Variants in MYH6 observed in about 807,000 individuals in gnomAD.
MYH6 encodes myosin heavy chain 6.
A neutral mutation model predicts 223.2 loss-of-function variants in MYH6; 126 were observed. The ratio of observed to expected loss-of-function variants is 0.56; its 90% CI spans 0.49 to 0.65. The LOEUF is 0.65. MYH6 is among the 30% of genes least tolerant of loss of function. MYH6 has a pLI of 0.00. For missense variants in MYH6, 2,040 were observed against 2,536.4 expected, an observed-to-expected ratio of 0.80 and a Z score of 4.20; for synonymous variants, 978 against 1,010.2, an observed-to-expected ratio of 0.97 and a Z score of 0.61.
rs1891684812 is a variant in MYH6 at position 23,403,708 on chromosome 14, T to C, written c.799+7A>G. On this transcript the variant is annotated splice_region_variant and intron_variant, in intron 9 of 38. Transcript: ENST00000405093. The stretch of plus-strand genomic sequence containing the variant: ...TAGAGGGTGGCAGCCTCCCTGCTGG[T>C]ACTCACAGGTCTCTATGTCTGCAGA... The C allele has an allele frequency of 3.1e-6, 5 of 1,611,652 alleles. No homozygotes were observed. The highest frequency in any genetic ancestry group is 4.2e-6 in the Non-Finnish European group (5 of 1,178,698).
rs766345714 is a variant in MYH6, at chr14:23,385,996, G to A, written c.5095C>T (p.Arg1699Trp). Residue 1699 changes from arginine to tryptophan, a missense_variant, in exon 34 of 39, where the codon CGG becomes TGG. This residue lies in a region of MYH6 where 1,203 missense variants were observed against 1,400.2 expected (regional missense o/e 0.86). Transcript: ENST00000405093. Reference sequence around the variant, plus strand: ...TCCTGCTCCGCCAGCTTCCGGGACCGCTCTGTCTGCTCCACCACGGCACGC... The same window carrying A: ...TCCTGCTCCGCCAGCTTCCGGGACCACTCTGTCTGCTCCACCACGGCACGC... ...ELRAVVEQTE[R>W]SRKLAEQELI... 2.5e-5 allele frequency: 40 copies of A among 1,614,054 alleles called. No individual in the cohort carries two copies. Among genetic ancestry groups the A allele is most frequent in the African/African-American group, 8.0e-5 (6 of 74,928 alleles).
At chr14:23,403,636 AATG>A in intron 9 of MYH6, 76 bp downstream of exon 9, 1 of 1,378,524 alleles carries the variant, frequency 7.3e-7, no homozygotes. Flanking sequence ...AGATGGCAGG[AATG>A]ATGAGACTGG....
At chr14:23,406,911 A>T in intron 3 of MYH6, 112 bp downstream of exon 3, 1 of 1,182,112 alleles carries the variant, frequency 8.5e-7, no homozygotes, top group Non-Finnish European at 1.3e-6. Context: ...TGGCATCCCC[A>T]CTGGCCTTGG....
At position 23,402,707 on chromosome 14, in the gene MYH6, A is replaced by G. The variant is rs1891644111; in HGVS notation, c.992T>C (p.Met331Thr). 1 of 1,613,372 alleles carries G rather than the reference A, an allele frequency of 6.2e-7. No homozygotes were observed. The highest frequency in any genetic ancestry group is 8.5e-7 in the Non-Finnish European group (1 of 1,179,900). The change falls in exon 11 of 39, where the codon ATG becomes ACG. Residue 331 changes from methionine to threonine, a missense_variant. By Grantham distance (81) the Met-to-Thr change is moderately conservative. Around this residue, in one of 4 missense-constraint regions of MYH6, gnomAD observed 649 missense variants for 877.3 expected, o/e 0.74. Coordinates refer to ENST00000405093, the MANE Select transcript of MYH6 (RefSeq NM_002471.4). ...VASIDDSEEL[M>T]ATDSAFDVLG... is the part of the protein sequence containing the mutation. ...AGCCCCCTCACTCACATCGGTGGCC[A>G]TGAGCTCCTCGGAGTCATCAATGGA...
intron 36 of MYH6, 21 bp from the exon 37 acceptor site, chr14:23,383,341 G>GGGGCCCCCCCCCCCCCC: frequency 1.8e-6 from 1 of 556,574 alleles, no homozygotes; most frequent in Non-Finnish European, 3.3e-6. Context: ...GAGGGTGGGA[G>GGGGCCCCCCCCCCCCCC]AAGCTGGTTT....
chr14:23,402,883 A>AAGGGGGGGGG, intron 10 of MYH6, 83 bp from the exon 11 acceptor site: 1 of 187,088 alleles, frequency 5.3e-6, no homozygotes, highest in Non-Finnish European at 1.0e-5. Context: ...AAAGGGAGGG[A>AAGGGGGGGGG]GGGGCAGGGA....
chr14:23,386,511 G>T lies in MYH6; in HGVS notation c.4763C>A (p.Ala1588Asp), dbSNP rs752070605. ...LAEKDEEMEQ[A>D]KRNHQRVVDS... ...CACCACCCGCTGGTGGTTGCGCTTG[G>T]CCTGTTCCATCTCCTCGTCCTTCTC... Residue 1588 changes from alanine to aspartate, a missense_variant, in exon 33 of 39, where the codon GCC (alanine) becomes GAC (aspartate). By Grantham distance (126) the Ala-to-Asp change is moderately radical. Transcript: ENST00000405093. 1 of 1,614,142 alleles carries T rather than the reference G, an allele frequency of 6.2e-7. No homozygotes were observed. The highest frequency in any genetic ancestry group is 1.1e-5 in the South Asian group (1 of 91,074).
intron 29 of MYH6, 165 bp from the exon 30 acceptor site, chr14:23,388,503 G>C: frequency 2.5e-6 from 3 of 1,181,076 alleles, no homozygotes; most frequent in Non-Finnish European, 3.8e-6. Flanking sequence ...GCCAGCACGG[G>C]CTGCCCAGGC....
rs376547858 is a variant in MYH6, at chr14:23,402,739, G to A, written c.960C>T (p.Ser320=). 4.3e-6 allele frequency: 7 copies of A among 1,613,332 alleles called. No homozygotes were observed. In the African/African-American group the frequency reaches 5.4e-5, roughly 12 times the overall value. ...DYAFVSQGEV[S]VASIDDSEEL... ...CCTCGGAGTCATCAATGGAGGCCACGGACACCTCTCCCTGAGACACGAAGG... is the reference window on the plus strand; with the variant it reads ...CCTCGGAGTCATCAATGGAGGCCACAGACACCTCTCCCTGAGACACGAAGG... The change falls in exon 11 of 39, where the codon TCC becomes TCT. Residue 320 remains serine (S), a synonymous_variant. Coordinates refer to ENST00000405093, the MANE Select transcript of MYH6 (RefSeq NM_002471.4).
rs114643716 is a variant in MYH6 at position 23,385,759 on chromosome 14, C to T, written c.5163+169G>A. On this transcript the variant is annotated intron_variant, in intron 34 of 38. Coordinates refer to ENST00000405093, the MANE Select transcript of MYH6 (RefSeq NM_002471.4). ...ACCCTCTTAGCTTCTAAGTAGAGAC[C>T]GCTTTCTTAATATAATGGTTCTGCA... Among the ~76,000 whole-genome samples the T allele has an allele frequency of 4.6e-3, 703 of 152,168 alleles. 7 individuals carry two copies. Among genetic ancestry groups the T allele is most frequent in the African/African-American group, 0.016 (665 of 41,510 alleles).
chr14:23,396,938 A>T, intron 18 of MYH6, 25 bp downstream of exon 18: 1 of 1,612,406 alleles, frequency 6.2e-7, no homozygotes, highest in Non-Finnish European at 8.5e-7. Context: ...CTGTTCTATG[A>T]GCTCTGGGGC....
intron 35 of MYH6, 44 bp from the exon 36 acceptor site, chr14:23,384,761 G>C (rs763824148): frequency 1.4e-5 from 22 of 1,613,938 alleles, no homozygotes; most frequent in Non-Finnish European, 1.9e-5. Flanking sequence ...GCCAGGGGCC[G>C]GGGCCTTTTG....
In MYH6 at chr14:23,382,537, G is replaced by C; in HGVS notation, c.5687C>G (p.Ser1896Cys). The change falls in exon 38 of 39, where the codon TCC becomes TGC. Residue 1896 changes from serine (S) to cysteine (C), a missense_variant. By Grantham distance (112) the Ser-to-Cys change is moderately radical (BLOSUM62 -1). This residue lies in a region of MYH6 where 1,203 missense variants were observed against 1,400.2 expected (regional missense o/e 0.86). Coordinates refer to ENST00000405093, the MANE Select transcript of MYH6 (RefSeq NM_002471.4). ...CTCATGCTGCACCTTGCGGAACTTGGACAGGTTGGTGTTGGCTTGCTCCTC... is the reference window on the plus strand; with the variant it reads ...CTCATGCTGCACCTTGCGGAACTTGCACAGGTTGGTGTTGGCTTGCTCCTC... ...EAEEQANTNL[S>C]KFRKVQHELD... 1 of 1,614,150 alleles carries C rather than the reference G, an allele frequency of 6.2e-7. No homozygotes were observed. Among genetic ancestry groups the C allele is most frequent in the South Asian group, 1.1e-5 (1 of 91,090 alleles).
At chr14:23,385,074 A>G (rs767217247) in intron 34 of MYH6, 33 bp from the exon 35 acceptor site, 10 of 1,613,398 alleles carry the variant, frequency 6.2e-6, no homozygotes, top group Non-Finnish European at 8.5e-6. Context: ...GATCAAATAT[A>G]TACTACACTT....
chr14:23,405,890 C>T lies in MYH6; in HGVS notation c.202-120G>A. The T allele has an allele frequency of 5.4e-6, 7 of 1,299,842 alleles. No individual in the cohort carries two copies. Among genetic ancestry groups the T allele is most frequent in the African/African-American group, 1.5e-5 (1 of 68,880 alleles). 80.5% of individuals were successfully genotyped at this position (1,299,842 alleles called of 1,614,324 possible). A position where few individuals can be genotyped will look rare whatever the true frequency, so the allele number is the denominator to read the frequency against. On this transcript the variant is annotated intron_variant, in intron 3 of 38. Coordinates refer to ENST00000405093, the MANE Select transcript of MYH6 (RefSeq NM_002471.4). The surrounding 1 kb of genome is among the most constrained non-coding windows in gnomAD (Gnocchi z 4.7). ...CTTGGCCTTGCTCCCCTTGCTCTGA[C>T]CAGTGCCCCGGCCCCTACCCCGATG...
intron 3 of MYH6, among the ~76,000 whole-genome samples, chr14:23,406,103 A>G (rs543044306): frequency 1.9e-4 from 29 of 152,228 alleles, no homozygotes; most frequent in African/African-American, 6.5e-4. Flanking sequence ...GGCAGCTCTC[A>G]GATCTGTGCA....
chr14:23,385,605 TA>T (rs982968111), intron 34 of MYH6, among the ~76,000 whole-genome samples: 1 of 152,004 alleles, frequency 6.6e-6, no homozygotes, highest in African/African-American at 2.4e-5. Context: ...TATGCTTCTT[TA>T]AACTCCCAAA....
chr14:23,388,441 C>T (rs955017382), intron 29 of MYH6, 103 bp from the exon 30 acceptor site: 15 of 1,543,816 alleles, frequency 9.7e-6, no homozygotes, highest in Middle Eastern at 2.3e-4. Flanking sequence ...CTTGAGACAC[C>T]GTAAGTCCAG....
rs748016197 is a variant in MYH6 at position 23,397,066 on chromosome 14, G to T, written c.2065C>A (p.Pro689Thr). 23 of 1,614,104 alleles carry T rather than the reference G, an allele frequency of 1.4e-5. No individual in the cohort carries two copies. Among genetic ancestry groups the T allele is most frequent in the Non-Finnish European group, 1.9e-5 (22 of 1,180,052 alleles). Residue 689 changes from proline (P) to threonine (T), a missense_variant, in exon 18 of 39, where the codon CCC becomes ACC. Transcript: ENST00000405093. ...CAGCGCAGCTGGTGCATGACCAGGG[G>T]GTTGTCCATCACCCCTGTGTCAGGA... is the stretch of plus-strand genomic sequence containing the variant. ...ERKAPGVMDN[P>T]LVMHQLRCNG...
Sources: allele counts gnomAD v4.1 joint callset (sites outside exome capture counted in the v4.1 genomes callset), GRCh38; gene constraint gnomAD v4.1.1; regional missense constraint gnomAD v4.1.1; non-coding constraint Gnocchi (gnomAD v3.1); transcripts MANE v1.5; gene names NCBI Gene and HGNC (gene_info 2026-07-23, HGNC 2026-07-21).